SUN1: variants seen among roughly 807,000 people sequenced by gnomAD.
The protein encoded by SUN1 is Sad1 and UNC84 domain containing 1, also known as SUN domain-containing protein 1.
SUN1 carries 61 observed loss-of-function variants against 103.2 expected under a neutral mutation model. That is an observed-to-expected ratio of 0.59 (90% CI 0.48 to 0.73). SUN1 has a LOEUF of 0.73. Ranked by LOEUF, SUN1 falls within the 30% of genes least tolerant of loss-of-function variation. The probability of loss-of-function intolerance (pLI) is 0.00; values close to 1 mark genes in which losing one functional copy is unlikely to be tolerated. For synonymous variants in SUN1, 490 were observed against 425.7 expected, an observed-to-expected ratio of 1.15 and a Z score of -1.86; for missense variants, 1,052 against 1,034.6, an observed-to-expected ratio of 1.02 and a Z score of -0.23.
intron 15 of SUN1, among the ~76,000 whole-genome samples, chr7:864,541 C>T (rs933087464): frequency 2.3e-5 from 2 of 85,826 alleles, no homozygotes; most frequent in African/African-American, 9.1e-5. Context: ...GCAACAAGAG[C>T]AAAACTTTAT....
chr7:844,707 C>G (rs1176977035), intron 5 of SUN1, among the ~76,000 whole-genome samples: 1 of 152,242 alleles, frequency 6.6e-6, no homozygotes, highest in Non-Finnish European at 1.5e-5. Context: ...TCCATGTGGA[C>G]CAGCACCGCT....
Position 841,824 on chromosome 7 carries a change from A to C in SUN1, c.267-122A>C, listed in dbSNP as rs1438088766. 5.8e-6 allele frequency: 6 copies of C among 1,032,100 alleles called. No individual in the cohort carries two copies. The East Asian group carries it at 1.3e-4, about 22-fold the overall frequency. 63.9% of individuals were successfully genotyped at this position (1,032,100 alleles called of 1,614,324 possible). A position where few individuals can be genotyped will look rare whatever the true frequency, so the allele number is the denominator to read the frequency against. On this transcript the variant is annotated intron_variant, in intron 2 of 18. Coordinates refer to ENST00000401592, the MANE Select transcript of SUN1 (RefSeq NM_001130965.3). ...TGATTCATTACAGCAGAAAAGGCAT[A>C]GGAAAATGGTTTGCCTTAAAATGCT...
At chr7:851,358 A>C in intron 5 of SUN1, 26 bp from the exon 6 acceptor site, 8 of 1,558,646 alleles carry the variant, frequency 5.1e-6, no homozygotes, top group Non-Finnish European at 7.0e-6. Context: ...CGTCTGTCTG[A>C]GGCCACACAC....
chr7:862,947 C>G lies in SUN1; in HGVS notation c.1864+1483C>G, dbSNP rs548148937. ...CAGGCAGATCACAAGGTCAGGAGAT[C>G]CTGGCTGACAGGGTGAAACCCCTTC... On this transcript the variant is annotated intron_variant, in intron 15 of 18. Coordinates refer to ENST00000401592, the MANE Select transcript of SUN1 (RefSeq NM_001130965.3). Among the ~76,000 whole-genome samples, 426 of 152,240 alleles carry G rather than the reference C, an allele frequency of 2.8e-3. 3 individuals are homozygous for G. The highest frequency in any genetic ancestry group is 9.2e-3 in the African/African-American group (381 of 41,526).
chr7:825,786 C>CT (rs1231731038), intron 1 of SUN1, among the ~76,000 whole-genome samples: 3 of 151,822 alleles, frequency 2.0e-5, no homozygotes, highest in African/African-American at 7.3e-5. Flanking sequence ...AAGACAGTTT[C>CT]TTTTTATTTT....
intron 1 of SUN1, among the ~76,000 whole-genome samples, chr7:825,062 A>ATTTT (rs746564288): frequency 6.9e-6 from 1 of 144,274 alleles, no homozygotes; most frequent in South Asian, 2.2e-4. Context: ...TATTACGATA[A>ATTTT]TTTTTTTTTT....
At chr7:854,290 C>T (rs554508781) in intron 10 of SUN1, among the ~76,000 whole-genome samples, 17 of 152,246 alleles carry the variant, frequency 1.1e-4, no homozygotes, top group South Asian at 6.2e-4. Flanking sequence ...GGCTTCCCTC[C>T]GAGGCGGTGC....
At chr7:817,553 C>G (rs954413978) in intron 1 of SUN1, 1 of 1,527,966 alleles carries the variant, frequency 6.5e-7, no homozygotes, top group African/African-American at 1.4e-5. Context: ...GTGGTTGCTG[C>G]GTCTGGCTCT....
intron 15 of SUN1, 126 bp downstream of exon 15, chr7:861,590 A>G: frequency 1.1e-6 from 1 of 902,400 alleles, no homozygotes; most frequent in South Asian, 1.5e-5. Context: ...CATCTGAGAA[A>G]GGGAGCATGA....
chr7:860,122 T>C lies in SUN1; in HGVS notation c.1525-6T>C, dbSNP rs1831067148. ...GGACATTTGTGTCCGTCTGCTGTTT[T>C]ACTAGGTGGACGTGCAAGTCAGAGA... is the stretch of plus-strand genomic sequence containing the variant. On this transcript the variant is annotated splice_region_variant and splice_polypyrimidine_tract_variant and intron_variant, in intron 13 of 18. Transcript: ENST00000401592. 1 of 1,613,296 alleles carries C rather than the reference T, an allele frequency of 6.2e-7. No individual in the cohort carries two copies. Among genetic ancestry groups the C allele is most frequent in the Non-Finnish European group, 8.5e-7 (1 of 1,179,360 alleles).
At chr7:822,998 G>A (rs560069538) in intron 1 of SUN1, among the ~76,000 whole-genome samples, 12 of 152,092 alleles carry the variant, frequency 7.9e-5, no homozygotes, top group Admixed American at 1.3e-4. Flanking sequence ...GCGAATTCCC[G>A]CACGCACGTG....
At chr7:851,521 G>C (rs758329153) in intron 6 of SUN1, 39 bp downstream of exon 6, 2 of 1,517,644 alleles carry the variant, frequency 1.3e-6, no homozygotes, top group South Asian at 1.2e-5. Context: ...TCTCTCCAGA[G>C]CTTCTGGCAG....
At chr7:838,319 C>T (rs1198116582) in intron 1 of SUN1, among the ~76,000 whole-genome samples, 2 of 152,192 alleles carry the variant, frequency 1.3e-5, no homozygotes, top group Admixed American at 1.3e-4. Context: ...TTGTCTGAAG[C>T]CTTTAGATAA....
intron 1 of SUN1, 99 bp downstream of exon 1, chr7:832,700 C>A: frequency 1.1e-6 from 1 of 886,138 alleles, no homozygotes; most frequent in Non-Finnish European, 1.8e-6. Flanking sequence ...CTACCGACTA[C>A]ATGCTGTATT....
intron 17 of SUN1, among the ~76,000 whole-genome samples, chr7:871,207 C>G (rs1490170168): frequency 6.6e-6 from 1 of 152,178 alleles, no homozygotes; most frequent in African/African-American, 2.4e-5. Context: ...ATTTCAGATG[C>G]ATGCTGCCTT....
At chr7:831,092 C>A, upstream of SUN1, 2 of 803,534 alleles carry the variant, frequency 2.5e-6, no homozygotes, top group Non-Finnish European at 3.0e-6. Context: ...GGGAGAGAGA[C>A]AGTTAAACAG....
chr7:845,607 G>T (rs1814802396), intron 5 of SUN1, among the ~76,000 whole-genome samples: 1 of 151,404 alleles, frequency 6.6e-6, no homozygotes, highest in African/African-American at 2.4e-5. Context: ...TGAATTGTTT[G>T]CATAATCATA....
At position 838,971 on chromosome 7, in the gene SUN1, A is replaced by G. The variant is rs1806257586; in HGVS notation, c.251A>G (p.Lys84Arg). ...GGCACCAGCAGCGCTGTCTCCCTGAAGAACCGAGCGGCCAGGTGAGCACCG... is the reference window on the plus strand; with the variant it reads ...GGCACCAGCAGCGCTGTCTCCCTGAGGAACCGAGCGGCCAGGTGAGCACCG... Reference protein sequence around the residue: ...DSGTSSAVSLKNRAARTTKQR... With the variant: ...DSGTSSAVSLRNRAARTTKQR... Residue 84 changes from lysine (K) to arginine (R), a missense_variant, in exon 2 of 19, where the codon AAG becomes AGG. Coordinates refer to ENST00000401592, the MANE Select transcript of SUN1 (RefSeq NM_001130965.3). 1 of 1,592,282 alleles carries G rather than the reference A, an allele frequency of 6.3e-7. No individual in the cohort carries two copies. The highest frequency in any genetic ancestry group is 1.8e-5 in the Admixed American group (1 of 56,552).
chr7:873,337 C>G lies in SUN1; in HGVS notation c.*6C>G, dbSNP rs879901129. The G allele has an allele frequency of 3.7e-6, 6 of 1,610,634 alleles. No homozygotes were observed. The highest frequency in any genetic ancestry group is 5.1e-6 in the Non-Finnish European group (6 of 1,176,960). ...ATGGCGAACCTGTCAAGTGAAGACA[C>G]TACTCATTATTTTTGTACATTTTTG... On this transcript the variant is annotated 3_prime_UTR_variant, in exon 19 of 19. Coordinates refer to ENST00000401592, the MANE Select transcript of SUN1 (RefSeq NM_001130965.3).
Sources: gnomAD v4.1 joint callset for allele counts (sites outside exome capture counted in the v4.1 genomes callset) on GRCh38, gnomAD v4.1.1 for gene constraint, MANE v1.5 for transcripts, NCBI Gene and HGNC (gene_info 2026-07-23, HGNC 2026-07-21) for gene names.